ERICH1: variants seen among roughly 807,000 people sequenced by gnomAD.
ERICH1 encodes glutamate rich 1, also known as glutamate-rich protein 1.
Under a neutral mutation model 39.6 loss-of-function variants are expected in ERICH1, and 56 were observed. The observed-to-expected ratio is 1.41, with a 90% CI of 1.14 to 1.77. ERICH1 has a LOEUF of 1.77. ERICH1 is among the 40% of genes most tolerant of loss of function. The pLI is 0.00. For missense variants in ERICH1, 826 were observed against 575.4 expected (o/e 1.44, Z -4.45); for synonymous variants, 313 against 223.6 (o/e 1.40, Z -3.57).
chr8:632,098 T>C (rs544998641), intron 3 of ERICH1, among the ~76,000 whole-genome samples: 8 of 152,092 alleles, frequency 5.3e-5, no homozygotes, highest in African/African-American at 1.9e-4. Flanking sequence ...GGGCTGCGAG[T>C]CCCACTGAAA....
At chr8:614,957 C>G (rs715806) in exon 4 of ERICH1, 264,167 of 351,032 alleles carry the variant, frequency 0.75, 101,482 homozygotes, top group East Asian at 0.98. Flanking sequence ...GAGGGACAAA[C>G]TGTGACTGAG....
chr8:721,237 G>C (rs1419452460), intron 1 of ERICH1, among the ~76,000 whole-genome samples: 1 of 152,078 alleles, frequency 6.6e-6, no homozygotes, highest in Non-Finnish European at 1.5e-5. Flanking sequence ...TGCTAAAATA[G>C]AAATAATAAA....
intron 3 of ERICH1, among the ~76,000 whole-genome samples, chr8:628,938 C>T (rs1400358091): frequency 6.6e-6 from 1 of 152,084 alleles, no homozygotes; most frequent in African/African-American, 2.4e-5. Context: ...TCAAGGTCAA[C>T]ATAAAGACTA....
At chr8:729,789 A>G (rs1385140636) in intron 1 of ERICH1, among the ~76,000 whole-genome samples, 1 of 150,530 alleles carries the variant, frequency 6.6e-6, no homozygotes, top group African/African-American at 2.4e-5. Flanking sequence ...GCTTTCATTC[A>G]CTTTAATTTG....
intron 3 of ERICH1, among the ~76,000 whole-genome samples, chr8:630,761 C>A: frequency 7.6e-6 from 1 of 131,086 alleles, no homozygotes; most frequent in African/African-American, 3.0e-5. Flanking sequence ...CACACCCTCC[C>A]GTGAGCACCC....
At chr8:686,984 A>G (rs1005375518) in intron 3 of ERICH1, among the ~76,000 whole-genome samples, 1 of 152,246 alleles carries the variant, frequency 6.6e-6, no homozygotes, top group Admixed American at 6.5e-5. Context: ...GCCACTCTGG[A>G]AAGGCTAAGA....
intron 1 of ERICH1, among the ~76,000 whole-genome samples, chr8:717,942 C>T (rs1276848976): frequency 6.6e-6 from 1 of 152,242 alleles, no homozygotes; most frequent in Non-Finnish European, 1.5e-5. Context: ...TGGGCCCAAG[C>T]AAGCATCAGA....
chr8:668,246 T>G, intron 5 of ERICH1: 2 of 322,448 alleles, frequency 6.2e-6, no homozygotes, highest in South Asian at 6.0e-5. Flanking sequence ...TACCAGAGAG[T>G]TGGAGGTAAG....
intron 3 of ERICH1, chr8:627,266 C>G (rs1797643563): frequency 2.2e-6 from 1 of 455,296 alleles, no homozygotes; most frequent in South Asian, 1.5e-5. Flanking sequence ...GAACACTTAC[C>G]TTACAGGATT....
chr8:663,392 G>C (rs1801721762), downstream of ERICH1, among the ~76,000 whole-genome samples: 1 of 152,206 alleles, frequency 6.6e-6, no homozygotes, highest in South Asian at 2.1e-4. Context: ...CACTGGGGGA[G>C]TGGGGAGCCC....
intron 2 of ERICH1, among the ~76,000 whole-genome samples, chr8:703,471 G>C (rs536837973): frequency 6.6e-6 from 1 of 152,270 alleles, no homozygotes; most frequent in South Asian, 2.1e-4. Flanking sequence ...GGGAGAAAAA[G>C]GGGGGCAGGC....
At chr8:707,322 G>C (rs141329384) in intron 2 of ERICH1, among the ~76,000 whole-genome samples, 8 of 150,760 alleles carry the variant, frequency 5.3e-5, no homozygotes, top group East Asian at 1.9e-4. Flanking sequence ...ACTCTACTGC[G>C]TCAGCCTCCC....
chr8:667,870 C>T (rs555248913), intron 5 of ERICH1: 1 of 153,158 alleles, frequency 6.5e-6, no homozygotes, highest in East Asian at 1.9e-4. Context: ...TCTGCAGAGC[C>T]TCCTTCACTC....
intron 3 of ERICH1, chr8:627,161 C>G (rs572580358): frequency 2.6e-5 from 12 of 456,304 alleles, no homozygotes; most frequent in African/African-American, 2.2e-4. Flanking sequence ...AGACCCAGGT[C>G]TGAGCTCACA....
intron 1 of ERICH1, among the ~76,000 whole-genome samples, chr8:717,530 T>C (rs1395596615): frequency 6.6e-6 from 1 of 152,122 alleles, no homozygotes; most frequent in Non-Finnish European, 1.5e-5. Flanking sequence ...CCTTCAAATG[T>C]CAAAGAAGAA....
chr8:701,303 CCATACCTA>C (rs1812079712), intron 2 of ERICH1, among the ~76,000 whole-genome samples: 2 of 152,112 alleles, frequency 1.3e-5, no homozygotes, highest in Non-Finnish European at 2.9e-5. Flanking sequence ...CGGGAGCACG[CCATACCTA>C]CGGGTCTGCC....
At chr8:617,888 T>C (rs1026804789) in intron 3 of ERICH1, among the ~76,000 whole-genome samples, 2 of 149,020 alleles carry the variant, frequency 1.3e-5, no homozygotes, top group African/African-American at 5.0e-5. Flanking sequence ...CACTGCCCTC[T>C]GAGTGCTCGG....
chr8:627,947 G>C (rs1439518288), intron 3 of ERICH1, among the ~76,000 whole-genome samples: 1 of 152,166 alleles, frequency 6.6e-6, no homozygotes, highest in Admixed American at 6.5e-5. Context: ...GGGGCCGGGG[G>C]GGCCTGGAAC....
chr8:721,254 T>C (rs1167520149), intron 1 of ERICH1, among the ~76,000 whole-genome samples: 1 of 152,244 alleles, frequency 6.6e-6, no homozygotes, highest in Admixed American at 6.5e-5. Flanking sequence ...TAAAGTATTT[T>C]TTAAAAAATA....
Sources: allele counts gnomAD v4.1 joint callset (sites outside exome capture counted in the v4.1 genomes callset), GRCh38; gene constraint gnomAD v4.1.1; transcripts MANE v1.5; gene names NCBI Gene and HGNC (gene_info 2026-07-23, HGNC 2026-07-21).